VKORC1L1: variants seen among roughly 807,000 people sequenced by gnomAD.
The protein encoded by VKORC1L1 is vitamin K epoxide reductase complex subunit 1L1.
Under a neutral mutation model 18.9 loss-of-function variants are expected in VKORC1L1, and 2 were observed. That is an observed-to-expected ratio of 0.11 (90% CI 0.04 to 0.33). The LOEUF (loss-of-function observed/expected upper bound fraction) is 0.33, where lower values mean the gene tolerates loss of function less well. Among genes scored for constraint, VKORC1L1 ranks in the 10% least tolerant of loss-of-function variants. The pLI is 1.00. For synonymous variants in VKORC1L1, 96 were observed against 100.0 expected, an observed-to-expected ratio of 0.96 and a Z score of 0.24; for missense variants, 123 against 224.1, an observed-to-expected ratio of 0.55 and a Z score of 2.88.
chr7:65,912,124 A>G (rs1228417100), intron 1 of VKORC1L1, among the ~76,000 whole-genome samples: 1 of 152,184 alleles, frequency 6.6e-6, no homozygotes, highest in Non-Finnish European at 1.5e-5. Context: ...ACCCCATCTC[A>G]GGGAAAAAAC....
At position 65,937,253 on chromosome 7, in the gene VKORC1L1, A is replaced by G. The variant is rs530191846; in HGVS notation, c.195-11418A>G. On this transcript the variant is annotated intron_variant, in intron 1 of 2. Transcript: ENST00000360768. ...GATCTTCCAGTTTTTACTCTCCTCTATCAACCAGCTATTTTTCCTTTTCAG... is the reference window on the plus strand; with the variant it reads ...GATCTTCCAGTTTTTACTCTCCTCTGTCAACCAGCTATTTTTCCTTTTCAG... 2.7e-5 allele frequency among the ~76,000 whole-genome samples: 4 copies of G among 150,354 alleles called. No homozygotes were observed. In the South Asian group the frequency reaches 6.3e-4, roughly 24 times the overall value.
At chr7:65,877,918 T>C (rs1788855962) in intron 1 of VKORC1L1, among the ~76,000 whole-genome samples, 1 of 152,094 alleles carries the variant, frequency 6.6e-6, no homozygotes, top group Non-Finnish European at 1.5e-5. Flanking sequence ...ATGTGAAAAT[T>C]TGGGCCTCCA....
intron 1 of VKORC1L1, among the ~76,000 whole-genome samples, chr7:65,918,110 C>G (rs569788362): frequency 6.6e-6 from 1 of 152,278 alleles, no homozygotes; most frequent in Non-Finnish European, 1.5e-5. Context: ...ATGCCTCTTG[C>G]CAATCAGTTC....
intron 2 of VKORC1L1, among the ~76,000 whole-genome samples, 188 bp from the exon 3 acceptor site, chr7:65,953,886 T>C (rs2115756282): frequency 6.6e-6 from 1 of 152,332 alleles, no homozygotes; most frequent in Admixed American, 6.5e-5. Flanking sequence ...AACCTGGCAT[T>C]ATCAACTGCA....
intron 1 of VKORC1L1, among the ~76,000 whole-genome samples, chr7:65,877,056 AAAAC>A (rs1345724719): frequency 6.6e-6 from 1 of 152,192 alleles, no homozygotes; most frequent in African/African-American, 2.4e-5. Context: ...CAAAAAAAGA[AAAAC>A]AAAAAAACCT....
At position 65,916,096 on chromosome 7, in the gene VKORC1L1, C is replaced by T. The variant is rs1421112057; in HGVS notation, c.195-32575C>T. On this transcript the variant is annotated intron_variant, in intron 1 of 2. Coordinates refer to ENST00000360768, the MANE Select transcript of VKORC1L1 (RefSeq NM_173517.6). ...ACTCTACTCCAGCCTGGGCAGCAGA[C>T]CGTGACTCTGTCTAAAATTAAAAAA... Among the ~76,000 whole-genome samples, 3 of 147,182 alleles carry T rather than the reference C, an allele frequency of 2.0e-5. No individual in the cohort carries two copies. The East Asian group carries it at 6.0e-4, about 30-fold the overall frequency.
chr7:65,925,558 T>C (rs1789747946), intron 1 of VKORC1L1, among the ~76,000 whole-genome samples: 1 of 152,168 alleles, frequency 6.6e-6, no homozygotes, highest in Admixed American at 6.5e-5. Context: ...TTTTCCCTGT[T>C]CTTTAAGCTT....
intron 1 of VKORC1L1, among the ~76,000 whole-genome samples, chr7:65,910,292 A>C (rs1375665082): frequency 6.6e-6 from 1 of 152,166 alleles, no homozygotes; most frequent in Admixed American, 6.6e-5. Flanking sequence ...AATAATCATT[A>C]ATATGTATTT....
At position 65,909,308 on chromosome 7, in the gene VKORC1L1, A is replaced by G. The variant is rs74412875; in HGVS notation, c.194+35743A>G. ...CAGCATCACTTTCAAGTGACAATAT[A>G]AAGCTAAGCTTTGCTATGTTTTGAT... On this transcript the variant is annotated intron_variant, in intron 1 of 2. Coordinates refer to ENST00000360768, the MANE Select transcript of VKORC1L1 (RefSeq NM_173517.6). Among the ~76,000 whole-genome samples, 284 of 151,800 alleles carry G rather than the reference A, an allele frequency of 1.9e-3. 3 individuals are homozygous for G. Among genetic ancestry groups the G allele is most frequent in the African/African-American group, 6.7e-3 (277 of 41,450 alleles).
chr7:65,894,647 G>C (rs1789162433), intron 1 of VKORC1L1, among the ~76,000 whole-genome samples: 1 of 152,344 alleles, frequency 6.6e-6, no homozygotes. Flanking sequence ...AGAATGGTGT[G>C]AACCCGGGAG....
chr7:65,935,073 G>A (rs905375656), intron 1 of VKORC1L1, among the ~76,000 whole-genome samples: 4 of 151,814 alleles, frequency 2.6e-5, no homozygotes, highest in Non-Finnish European at 4.4e-5. Flanking sequence ...AAAAAAAAGG[G>A]GGTCTATTTC....
chr7:65,915,226 G>C (rs1056002740), intron 1 of VKORC1L1, among the ~76,000 whole-genome samples: 1 of 151,008 alleles, frequency 6.6e-6, no homozygotes, highest in Non-Finnish European at 1.5e-5. Context: ...CGAGTAGCTG[G>C]GACTACAGGC....
At chr7:65,921,644 C>T (rs1313828688) in intron 1 of VKORC1L1, among the ~76,000 whole-genome samples, 1 of 152,172 alleles carries the variant, frequency 6.6e-6, no homozygotes, top group South Asian at 2.1e-4. Context: ...GTCAGGAACT[C>T]AAGACCATCC....
chr7:65,894,693 A>C (rs1192755998), intron 1 of VKORC1L1, among the ~76,000 whole-genome samples: 1 of 152,184 alleles, frequency 6.6e-6, no homozygotes, highest in Non-Finnish European at 1.5e-5. Flanking sequence ...GCACCACTGC[A>C]CTCCAGCCTG....
intron 1 of VKORC1L1, among the ~76,000 whole-genome samples, chr7:65,878,624 G>T (rs1438712758): frequency 6.6e-6 from 1 of 151,996 alleles, no homozygotes; most frequent in Non-Finnish European, 1.5e-5. Flanking sequence ...TAAATTCTTG[G>T]CTGGACGCAG....
intron 1 of VKORC1L1, among the ~76,000 whole-genome samples, chr7:65,879,797 C>G (rs894520294): frequency 4.0e-5 from 6 of 150,136 alleles, no homozygotes; most frequent in Non-Finnish European, 5.9e-5. Context: ...TTCCTTGCTT[C>G]CTTCTTTCCT....
In VKORC1L1 at chr7:65,958,818, T is replaced by C. The variant is rs1055911728; in HGVS notation, c.*4518T>C. 6.6e-6 allele frequency: 1 copy of C among 152,252 alleles called. No homozygotes were observed. Among genetic ancestry groups the C allele is most frequent in the Non-Finnish European group, 1.5e-5 (1 of 68,050 alleles). 9.4% of individuals were successfully genotyped at this position (152,252 alleles called of 1,614,324 possible). A position where few individuals can be genotyped will look rare whatever the true frequency, so the allele number is the denominator to read the frequency against. On this transcript the variant is annotated 3_prime_UTR_variant, in exon 3 of 3. Coordinates refer to ENST00000360768, the MANE Select transcript of VKORC1L1 (RefSeq NM_173517.6). ...ACAAAAATGTGTCACTGCCTACAGT[T>C]CTGTGAACACTCAGAATGTATTAAT...
At chr7:65,928,369 G>T (rs2115653006) in intron 1 of VKORC1L1, among the ~76,000 whole-genome samples, 1 of 151,374 alleles carries the variant, frequency 6.6e-6, no homozygotes, top group Middle Eastern at 3.5e-3. Context: ...GGGATTACAG[G>T]CATGTGCTCC....
At chr7:65,932,861 C>T (rs541163229) in intron 1 of VKORC1L1, among the ~76,000 whole-genome samples, 4 of 152,038 alleles carry the variant, frequency 2.6e-5, no homozygotes, top group Admixed American at 6.6e-5. Context: ...GGGTGGATCA[C>T]GAGGTCAGGA....
Sources: allele counts gnomAD v4.1 joint callset (sites outside exome capture counted in the v4.1 genomes callset), GRCh38; gene constraint gnomAD v4.1.1; transcripts MANE v1.5; gene names NCBI Gene and HGNC (gene_info 2026-07-23, HGNC 2026-07-21).